Variants in TERB2 observed in about 807,000 individuals in gnomAD.
TERB2 encodes telomere repeats-binding bouquet formation protein 2.
A neutral mutation model predicts 29.8 loss-of-function variants in TERB2; 26 were observed. The observed-to-expected ratio is 0.87, with a 90% CI of 0.64 to 1.21. The LOEUF is 1.21. Among genes scored for constraint, TERB2 ranks in the 50% most tolerant of loss-of-function variants. The pLI, the probability that TERB2 is intolerant of heterozygous loss-of-function variation, is 0.00. For synonymous variants in TERB2, 80 were observed against 90.8 expected, an observed-to-expected ratio of 0.88 and a Z score of 0.68; for missense variants, 240 against 268.6, an observed-to-expected ratio of 0.89 and a Z score of 0.74.
chr15:44,967,371 G>A (rs1027490920), intron 5 of TERB2, among the ~76,000 whole-genome samples: 1 of 152,368 alleles, frequency 6.6e-6, no homozygotes, highest in Non-Finnish European at 1.5e-5. Flanking sequence ...CCAAGCTGGG[G>A]CCAGTTGGGA....
chr15:44,959,431 T>G (rs1335410907), intron 3 of TERB2, among the ~76,000 whole-genome samples: 3 of 152,128 alleles, frequency 2.0e-5, no homozygotes, highest in African/African-American at 7.2e-5. Flanking sequence ...TGCAATGGTG[T>G]GATCTCAGCT....
Position 44,956,860 on chromosome 15 carries a change from G to A in TERB2, c.65-36G>A, listed in dbSNP as rs1445317293. ...CTCTCTGATGCTTTGGGTCCAGGGT[G>A]CTTGATAGGTTCACCCTGTGCTCTT... is the stretch of plus-strand genomic sequence containing the variant. On this transcript the variant is annotated intron_variant, in intron 1 of 6. Transcript: ENST00000340827. 4 of 1,612,396 alleles carry A rather than the reference G, an allele frequency of 2.5e-6. No homozygotes were observed. In the South Asian group the frequency reaches 4.4e-5, roughly 18 times the overall value.
intron 1 of TERB2, 50 bp from the exon 2 acceptor site, chr15:44,956,846 T>G (rs1204953641): frequency 1.2e-6 from 2 of 1,611,410 alleles, no homozygotes; most frequent in African/African-American, 1.3e-5. Flanking sequence ...TCTCTGATGC[T>G]TTGGGTCCAG....
intron 5 of TERB2, among the ~76,000 whole-genome samples, chr15:44,967,148 C>T (rs1014863964): frequency 6.6e-6 from 1 of 152,234 alleles, no homozygotes; most frequent in African/African-American, 2.4e-5. Context: ...ATGGCCTTGC[C>T]ATTGTATTAG....
At chr15:44,959,200 A>T (rs1257426720) in intron 3 of TERB2, among the ~76,000 whole-genome samples, 1 of 152,130 alleles carries the variant, frequency 6.6e-6, no homozygotes, top group Non-Finnish European at 1.5e-5. Flanking sequence ...TGTATTTTTT[A>T]AAATACATTT....
Position 44,966,178 on chromosome 15 carries a change from T to C in TERB2, c.369T>C (p.Asn123=). The part of the protein sequence containing the change: ...LIEKHDEVTP[N]EIKTLRENSE... ...CACAGCATGATGAAGTAACACCAAA[T>C]GAAATAAAGACCCTTAGGGAAAACA... is the stretch of plus-strand genomic sequence containing the variant. The change falls in exon 5 of 7, where the codon AAT becomes AAC. Residue 123 remains asparagine (N), a synonymous_variant. Coordinates refer to ENST00000340827, the MANE Select transcript of TERB2 (RefSeq NM_152448.3). The C allele has an allele frequency of 6.5e-7, 1 of 1,547,432 alleles. No individual in the cohort carries two copies.
In TERB2 at chr15:44,964,394, C is replaced by G. The variant is rs1595476308; in HGVS notation, c.349-1764C>G. The stretch of plus-strand genomic sequence containing the variant: ...TATGTTGTACTAAGGACTGAAATAT[C>G]TAATCCTTGACTTTTCACAGTGTTT... On this transcript the variant is annotated intron_variant, in intron 4 of 6. Transcript: ENST00000340827. Among the ~76,000 whole-genome samples the G allele has an allele frequency of 5.9e-5, 9 of 152,008 alleles. No individual in the cohort carries two copies. The South Asian group carries it at 1.7e-3, about 28-fold the overall frequency.
rs1334093311 is a variant in TERB2, at chr15:44,956,963, C to G, written c.132C>G (p.His44Gln). ...TCTTGTTCAGCTGTGATGCCTCGCACCCAGACACGCTGAGGTACTGAGGGC... is the reference window on the plus strand; with the variant it reads ...TCTTGTTCAGCTGTGATGCCTCGCAGCCAGACACGCTGAGGTACTGAGGGC... ...ADFLFSCDAS[H>Q]PDTLRIYQSL... The change falls in exon 2 of 7, where the codon CAC becomes CAG. Residue 44 changes from histidine (H) to glutamine (Q), a missense_variant. Transcript: ENST00000340827. The G allele has an allele frequency of 2.1e-5, 34 of 1,613,630 alleles. No individual in the cohort carries two copies. The highest frequency in any genetic ancestry group is 2.9e-5 in the Non-Finnish European group (34 of 1,179,924).
rs1891803054 is a variant in TERB2 at position 44,961,503 on chromosome 15, ATTTG to A, written c.287-16_287-13del. ...AAAAAAAAAACCAAAACAGTATTGG[ATTTG>A]TTTTTCTCACCACAGAAATAAGAAG... On this transcript the variant is annotated splice_polypyrimidine_tract_variant and intron_variant, in intron 3 of 6. Coordinates refer to ENST00000340827, the MANE Select transcript of TERB2 (RefSeq NM_152448.3). 7.7e-6 allele frequency: 12 copies of A among 1,551,960 alleles called. No homozygotes were observed. In the East Asian group the frequency reaches 2.5e-4, roughly 33 times the overall value.
At position 44,966,105 on chromosome 15, in the gene TERB2, T is replaced by A. The variant is rs1891884121; in HGVS notation, c.349-53T>A. Reference sequence around the variant, plus strand: ...TTTCCTTTTTAAAAACATTACTGATTGGATCACTGGTATGACGATTTTTTA... The same window carrying A: ...TTTCCTTTTTAAAAACATTACTGATAGGATCACTGGTATGACGATTTTTTA... On this transcript the variant is annotated intron_variant, in intron 4 of 6. Transcript: ENST00000340827. The A allele has an allele frequency of 9.0e-6, 9 of 1,000,290 alleles. No homozygotes were observed. In the South Asian group the frequency reaches 2.0e-4, roughly 22 times the overall value. The allele number at this position is 1,000,290 out of a possible 1,614,324, so 62.0% of individuals were successfully genotyped here.
rs1433262050 is a variant in TERB2, at chr15:44,957,008, T to TG, written c.146+32dup. The TG allele has an allele frequency of 3.1e-6, 5 of 1,587,852 alleles. No individual in the cohort carries two copies. The East Asian group carries it at 8.9e-5, about 28-fold the overall frequency. On this transcript the variant is annotated intron_variant, in intron 2 of 6. Transcript: ENST00000340827. ...GAGGGCGACCTGGCAGTGCCTCTTA[T>TG]GTTAGGATGAGCCGGGAGTTAGGGA...
At chr15:44,972,847 T>TC (rs2141244577) in intron 5 of TERB2, among the ~76,000 whole-genome samples, 1 of 151,994 alleles carries the variant, frequency 6.6e-6, no homozygotes, top group Admixed American at 6.6e-5. Flanking sequence ...AGAATATACA[T>TC]TTTTTTAGAT....
At chr15:44,962,373 TAG>T (rs1339367791) in intron 4 of TERB2, among the ~76,000 whole-genome samples, 2 of 150,188 alleles carry the variant, frequency 1.3e-5, no homozygotes, top group Non-Finnish European at 3.0e-5. Flanking sequence ...GTATTTTTAG[TAG>T]AGACAGGGTT....
intron 6 of TERB2, among the ~76,000 whole-genome samples, chr15:44,974,322 C>T (rs1011838950): frequency 3.3e-5 from 5 of 152,122 alleles, no homozygotes; most frequent in African/African-American, 9.7e-5. Context: ...TCTGATGAAA[C>T]ATAGGCCCCT....
rs34438861 is a variant in TERB2, at chr15:44,963,804, C to CTTTTTTTTTTTTTT, written c.348+2231_348+2244dup. ...GGTATATGGTATTTATTATACTATT[C>CTTTTTTTTTTTTTT]TTTTTTTTTTTTTTTTTTTTTTTTG... is the stretch of plus-strand genomic sequence containing the variant. On this transcript the variant is annotated intron_variant, in intron 4 of 6. Coordinates refer to ENST00000340827, the MANE Select transcript of TERB2 (RefSeq NM_152448.3). Among the ~76,000 whole-genome samples the CTTTTTTTTTTTTTT allele has an allele frequency of 2.7e-4, 21 of 79,168 alleles. 1 individual carries two copies. Among genetic ancestry groups the CTTTTTTTTTTTTTT allele is most frequent in the Admixed American group, 6.6e-4 (4 of 6,080 alleles). 51.9% of individuals were successfully genotyped at this position (79,168 alleles called of 152,430 possible). A position where few individuals can be genotyped will look rare whatever the true frequency, so the allele number is the denominator to read the frequency against.
intron 2 of TERB2, among the ~76,000 whole-genome samples, chr15:44,957,423 A>G (rs1238179733): frequency 6.6e-6 from 1 of 151,834 alleles, no homozygotes; most frequent in Non-Finnish European, 1.5e-5. Context: ...GTGTGTTTCC[A>G]GCTGCCTCTT....
Position 44,962,189 on chromosome 15 carries a change from T to C in TERB2, c.348+605T>C, listed in dbSNP as rs557171702. The stretch of plus-strand genomic sequence containing the variant: ...TGCATAGTATTTACCAGTTCTTTTT[T>C]TTTTTTTTTGGAGACAGAGTCTCCC... On this transcript the variant is annotated intron_variant, in intron 4 of 6. Coordinates refer to ENST00000340827, the MANE Select transcript of TERB2 (RefSeq NM_152448.3). Among the ~76,000 whole-genome samples the C allele has an allele frequency of 3.0e-3, 459 of 151,708 alleles. 2 individuals carry two copies. The highest frequency in any genetic ancestry group is 0.011 in the African/African-American group (438 of 41,394).
At chr15:44,957,019 GC>G (rs1566943823) in intron 2 of TERB2, 42 bp downstream of exon 2, 2 of 1,572,422 alleles carry the variant, frequency 1.3e-6, no homozygotes, top group Non-Finnish European at 1.7e-6. Flanking sequence ...GTTAGGATGA[GC>G]CGGGAGTTAG....
At chr15:44,972,796 G>A (rs940140919) in intron 5 of TERB2, among the ~76,000 whole-genome samples, 28 of 151,930 alleles carry the variant, frequency 1.8e-4, no homozygotes, top group Middle Eastern at 3.4e-3. Flanking sequence ...GATTATAGGC[G>A]TGAACCACTG....
Sources: gnomAD v4.1 joint callset for allele counts (sites outside exome capture counted in the v4.1 genomes callset) on GRCh38, gnomAD v4.1.1 for gene constraint, MANE v1.5 for transcripts, NCBI Gene and HGNC (gene_info 2026-07-23, HGNC 2026-07-21) for gene names.